The following CCDC192 variants were observed in gnomAD, a reference collection of about 807,000 sequenced individuals.
CCDC192 encodes the protein coiled-coil domain-containing protein 192.
chr5:127,809,410 G>C (rs1030133269), intron 5 of CCDC192, among the ~76,000 whole-genome samples: 13 of 152,200 alleles, frequency 8.5e-5, no homozygotes, highest in African/African-American at 3.1e-4. Flanking sequence ...GCAGATCAAG[G>C]AAAATGATCA....
At chr5:127,727,385 T>C (rs1015812298) in intron 2 of CCDC192, among the ~76,000 whole-genome samples, 2 of 151,616 alleles carry the variant, frequency 1.3e-5, no homozygotes, top group Non-Finnish European at 2.9e-5. Flanking sequence ...AGCAGGAGAA[T>C]CACTTGAACC....
chr5:127,771,652 A>G (rs769492275), intron 3 of CCDC192, among the ~76,000 whole-genome samples: 1 of 152,246 alleles, frequency 6.6e-6, no homozygotes, highest in Non-Finnish European at 1.5e-5. Context: ...AGCCAAGTGC[A>G]GTGGCTGGCC....
intron 3 of CCDC192, among the ~76,000 whole-genome samples, chr5:127,758,042 A>G (rs1754710778): frequency 6.6e-6 from 1 of 152,010 alleles, no homozygotes; most frequent in Non-Finnish European, 1.5e-5. Flanking sequence ...TTGTGCTGGA[A>G]TGAAGCAGTG....
intron 2 of CCDC192, among the ~76,000 whole-genome samples, chr5:127,709,149 AAGAGAG>A (rs36016291): frequency 9.5e-6 from 1 of 104,952 alleles, no homozygotes; most frequent in Non-Finnish European, 1.9e-5. Context: ...GGAGAGAAAG[AAGAGAG>A]AGAGAGGGGG....
At chr5:127,807,573 C>T (rs1757859611) in intron 5 of CCDC192, among the ~76,000 whole-genome samples, 1 of 152,068 alleles carries the variant, frequency 6.6e-6, no homozygotes, top group Non-Finnish European at 1.5e-5. Context: ...ATCAGTTGTT[C>T]AATCAGTCCT....
intron 5 of CCDC192, among the ~76,000 whole-genome samples, chr5:127,803,292 A>G (rs1293021436): frequency 6.6e-6 from 1 of 152,206 alleles, no homozygotes; most frequent in African/African-American, 2.4e-5. Context: ...TACTGTGCCT[A>G]GTCACAACTT....
At chr5:127,774,122 G>C (rs1433122544) in intron 3 of CCDC192, among the ~76,000 whole-genome samples, 1 of 151,816 alleles carries the variant, frequency 6.6e-6, no homozygotes, top group African/African-American at 2.4e-5. Flanking sequence ...TTGTCTTTTT[G>C]TTGCCGAATT....
At chr5:127,846,767 G>A (rs560561147) in intron 5 of CCDC192, among the ~76,000 whole-genome samples, 1 of 136,010 alleles carries the variant, frequency 7.4e-6, no homozygotes, top group Admixed American at 8.3e-5. Context: ...ACCGCGCTTG[G>A]CCATAGTGCC....
intron 6 of CCDC192, among the ~76,000 whole-genome samples, chr5:127,881,661 C>T (rs775636659): frequency 4.6e-5 from 7 of 152,124 alleles, no homozygotes; most frequent in East Asian, 1.9e-4. Context: ...AGGAAATAAA[C>T]GATTTAAGTC....
intron 3 of CCDC192, among the ~76,000 whole-genome samples, chr5:127,780,819 T>G (rs1756172660): frequency 6.6e-6 from 1 of 152,246 alleles, no homozygotes; most frequent in Admixed American, 6.5e-5. Context: ...CAAAAGCTCT[T>G]TAGTTTAATT....
chr5:127,722,004 G>T (rs1311020056), intron 2 of CCDC192, among the ~76,000 whole-genome samples: 2 of 152,116 alleles, frequency 1.3e-5, no homozygotes, highest in Non-Finnish European at 2.9e-5. Flanking sequence ...CATGAGATTT[G>T]GGTGGGGATA....
chr5:127,759,759 A>G (rs1254975731), intron 3 of CCDC192, among the ~76,000 whole-genome samples: 1 of 152,170 alleles, frequency 6.6e-6, no homozygotes, highest in African/African-American at 2.4e-5. Context: ...TCTTTCTCAC[A>G]CACACACACT....
At chr5:127,860,151 T>C (rs566304231) in intron 5 of CCDC192, among the ~76,000 whole-genome samples, 1 of 152,274 alleles carries the variant, frequency 6.6e-6, no homozygotes, top group South Asian at 2.1e-4. Context: ...AAACATTATA[T>C]TGAAAATTTA....
chr5:127,935,531 A>G (rs1754164223), intron 6 of CCDC192: 1 of 152,224 alleles, frequency 6.6e-6, no homozygotes, highest in South Asian at 2.1e-4. Context: ...TGTTTACAGA[A>G]AAGTGTTAAC....
chr5:127,834,307 A>T (rs754770872), intron 5 of CCDC192, among the ~76,000 whole-genome samples: 3 of 152,190 alleles, frequency 2.0e-5, no homozygotes, highest in Non-Finnish European at 2.9e-5. Flanking sequence ...TGTCTAAAAA[A>T]TGTATTGTTC....
At chr5:127,888,195 C>T (rs1404569259) in intron 6 of CCDC192, among the ~76,000 whole-genome samples, 1 of 151,954 alleles carries the variant, frequency 6.6e-6, no homozygotes, top group African/African-American at 2.4e-5. Flanking sequence ...GTACATAGAT[C>T]ACTTGAAGTC....
chr5:127,858,442 T>C (rs1053192374), intron 5 of CCDC192, among the ~76,000 whole-genome samples: 1 of 152,226 alleles, frequency 6.6e-6, no homozygotes, highest in Non-Finnish European at 1.5e-5. Flanking sequence ...AAATCTTTCC[T>C]AACTTCCTTA....
At chr5:127,923,534 T>C (rs1028554205) in intron 6 of CCDC192, among the ~76,000 whole-genome samples, 4 of 152,084 alleles carry the variant, frequency 2.6e-5, no homozygotes, top group South Asian at 2.1e-4. Context: ...CCCGCCACCA[T>C]GCCCTGCTAA....
intron 6 of CCDC192, among the ~76,000 whole-genome samples, chr5:127,926,101 G>A (rs933902065): frequency 3.3e-5 from 5 of 152,134 alleles, no homozygotes; most frequent in Non-Finnish European, 4.4e-5. Flanking sequence ...TTACAGCTCC[G>A]CCTTTGCCTT....
Sources: gnomAD v4.1 joint callset for allele counts (sites outside exome capture counted in the v4.1 genomes callset) on GRCh38, gnomAD v4.1.1 for gene constraint, MANE v1.5 for transcripts, NCBI Gene and HGNC (gene_info 2026-07-23, HGNC 2026-07-21) for gene names.